KCNIP4: variants seen among roughly 807,000 people sequenced by gnomAD.
KCNIP4 encodes the protein potassium voltage-gated channel interacting protein 4.
Under a neutral mutation model 34.0 loss-of-function variants are expected in KCNIP4, and 12 were observed. That is an observed-to-expected ratio of 0.35 (90% CI 0.23 to 0.57). The LOEUF (loss-of-function observed/expected upper bound fraction) is 0.57. Among genes scored for constraint, KCNIP4 ranks in the 20% least tolerant of loss-of-function variants. The pLI, the probability that KCNIP4 is intolerant of heterozygous loss-of-function variation, is 0.83. For missense variants in KCNIP4, 238 were observed against 311.7 expected (o/e 0.76, Z 1.78); for synonymous variants, 124 against 102.2 (o/e 1.21, Z -1.29).
intron 1 of KCNIP4, among the ~76,000 whole-genome samples, chr4:21,184,135 A>G (rs946630625): frequency 2.0e-5 from 3 of 152,146 alleles, no homozygotes; most frequent in Admixed American, 6.6e-5. Flanking sequence ...GCAGGTGACC[A>G]TGGCAAGTTA....
chr4:21,776,721 C>T (rs548871495), intron 1 of KCNIP4, among the ~76,000 whole-genome samples: 25 of 152,126 alleles, frequency 1.6e-4, no homozygotes, highest in Admixed American at 2.6e-4. Flanking sequence ...GGGACAGCTT[C>T]CTTCATGCTG....
chr4:21,154,234 C>T (rs1485067728), intron 1 of KCNIP4, among the ~76,000 whole-genome samples: 1 of 152,006 alleles, frequency 6.6e-6, no homozygotes, highest in East Asian at 1.9e-4. Flanking sequence ...TGATGGATAC[C>T]CCAGTTACCC....
At chr4:21,382,285 T>A (rs1721578277) in intron 1 of KCNIP4, among the ~76,000 whole-genome samples, 1 of 152,150 alleles carries the variant, frequency 6.6e-6, no homozygotes, top group South Asian at 2.1e-4. Context: ...TGTTAAAGAC[T>A]ATGGCTTTTA....
At chr4:21,773,762 T>TTTTTG (rs1491376331) in intron 1 of KCNIP4, among the ~76,000 whole-genome samples, 2 of 133,116 alleles carry the variant, frequency 1.5e-5, no homozygotes, top group African/African-American at 8.2e-5. Context: ...TTTTTTTGTT[T>TTTTTG]GTTTGTTTTT....
intron 1 of KCNIP4, among the ~76,000 whole-genome samples, chr4:21,780,354 T>A (rs1868743): frequency 0.74 from 113,145 of 151,890 alleles, 43,805 homozygotes; most frequent in African/African-American, 0.91. Context: ...AAATAAACAG[T>A]TTGCTTGAAA....
At chr4:21,832,314 G>A (rs911022682) in intron 1 of KCNIP4, among the ~76,000 whole-genome samples, 18 of 152,278 alleles carry the variant, frequency 1.2e-4, no homozygotes, top group African/African-American at 4.1e-4. Context: ...TTAGAAACAA[G>A]AGAAAGATGC....
intron 1 of KCNIP4, among the ~76,000 whole-genome samples, chr4:21,174,937 A>G (rs1023059997): frequency 1.3e-5 from 2 of 151,636 alleles, no homozygotes; most frequent in African/African-American, 4.8e-5. Flanking sequence ...CATTAGTAAT[A>G]TGTTAACTCA....
intron 1 of KCNIP4, among the ~76,000 whole-genome samples, chr4:21,886,224 T>C (rs1005333416): frequency 1.3e-5 from 2 of 152,142 alleles, no homozygotes; most frequent in African/African-American, 4.8e-5. Flanking sequence ...TGAAAAGTTA[T>C]GTTATAAACT....
rs1318687393 is a variant in KCNIP4 at position 20,837,686 on chromosome 4, A to ATT, written c.288+12855_288+12856dup. Among the ~76,000 whole-genome samples, 336 of 117,356 alleles carry ATT rather than the reference A, an allele frequency of 2.9e-3. 2 individuals are homozygous for ATT. The highest frequency in any genetic ancestry group is 5.4e-3 in the African/African-American group (160 of 29,870). 77.0% of individuals were successfully genotyped at this position (117,356 alleles called of 152,430 possible). On this transcript the variant is annotated intron_variant, in intron 3 of 8. Transcript: ENST00000382152. ...GCTATATATATATATATATATATAT[A>ATT]TTTTTTTTTCCTTGGAGATGGAGTC...
intron 3 of KCNIP4, among the ~76,000 whole-genome samples, chr4:20,762,242 TA>T (rs1560446172): frequency 6.6e-6 from 1 of 152,140 alleles, no homozygotes; most frequent in South Asian, 2.1e-4. Context: ...GGGTCTTTTA[TA>T]AAAGGACACT....
At chr4:20,981,966 T>C (rs1467065640) in intron 1 of KCNIP4, among the ~76,000 whole-genome samples, 1 of 152,170 alleles carries the variant, frequency 6.6e-6, no homozygotes, top group Non-Finnish European at 1.5e-5. Flanking sequence ...ATGATTCTAG[T>C]TGGGGGAGTC....
intron 1 of KCNIP4, among the ~76,000 whole-genome samples, chr4:21,378,220 A>G (rs1185374838): frequency 6.6e-6 from 1 of 152,128 alleles, no homozygotes; most frequent in Non-Finnish European, 1.5e-5. Context: ...TTCAGCTTAT[A>G]TTTGCTTTTG....
At chr4:21,662,477 G>A (rs1304686363) in intron 1 of KCNIP4, among the ~76,000 whole-genome samples, 2 of 152,272 alleles carry the variant, frequency 1.3e-5, no homozygotes, top group East Asian at 3.9e-4. Context: ...AACAGCATTG[G>A]AAATGCATAT....
intron 1 of KCNIP4, among the ~76,000 whole-genome samples, chr4:21,043,513 A>AT (rs1218440086): frequency 7.1e-6 from 1 of 141,546 alleles, no homozygotes; most frequent in Non-Finnish European, 1.6e-5. Context: ...TTTTTTTTGT[A>AT]TTTTTAGTAA....
chr4:21,077,738 A>G (rs1346913412), intron 1 of KCNIP4, among the ~76,000 whole-genome samples: 1 of 152,148 alleles, frequency 6.6e-6, no homozygotes, highest in African/African-American at 2.4e-5. Context: ...ATATAAAAGC[A>G]TAAAGAGTAC....
intron 1 of KCNIP4, among the ~76,000 whole-genome samples, chr4:21,031,740 A>T (rs1182420144): frequency 6.6e-6 from 1 of 152,224 alleles, no homozygotes; most frequent in Admixed American, 6.5e-5. Flanking sequence ...GGATCCATTG[A>T]AAAGCTAACT....
intron 3 of KCNIP4, among the ~76,000 whole-genome samples, chr4:20,777,540 T>C (rs28412775): frequency 0.28 from 42,398 of 152,012 alleles, 6,857 homozygotes; most frequent in Admixed American, 0.42. Context: ...ATAATGGAAA[T>C]ATGGTCTTCC....
intron 1 of KCNIP4, among the ~76,000 whole-genome samples, chr4:20,929,193 G>T (rs1478144805): frequency 6.6e-6 from 1 of 151,882 alleles, no homozygotes. Context: ...ATGACCAATA[G>T]GATTTATCCC....
intron 1 of KCNIP4, among the ~76,000 whole-genome samples, chr4:20,971,529 CTAT>C (rs1734952816): frequency 6.6e-6 from 1 of 151,922 alleles, no homozygotes; most frequent in African/African-American, 2.4e-5. Context: ...ATACTGTAGT[CTAT>C]TAAGTGTGCA....
Sources: allele counts gnomAD v4.1 joint callset (sites outside exome capture counted in the v4.1 genomes callset), GRCh38; gene constraint gnomAD v4.1.1; transcripts MANE v1.5; gene names NCBI Gene and HGNC (gene_info 2026-07-23, HGNC 2026-07-21).